Variants in TRMT11 observed in about 807,000 individuals in gnomAD.
The protein encoded by TRMT11 is tRNA (guanine(10)-N(2))-methyltransferase TRMT11.
A neutral mutation model predicts 62.8 loss-of-function variants in TRMT11; 53 were observed. The ratio of observed to expected loss-of-function variants is 0.84; its 90% CI spans 0.68 to 1.06. The LOEUF (loss-of-function observed/expected upper bound fraction) is 1.06, where lower values mean the gene tolerates loss of function less well. Ranked by LOEUF, TRMT11 falls within the 50% of genes least tolerant of loss-of-function variation. The probability of loss-of-function intolerance (pLI) is 0.00; values close to 1 mark genes in which losing one functional copy is unlikely to be tolerated. For missense variants in TRMT11, 556 were observed against 553.4 expected, an observed-to-expected ratio of 1.00 and a Z score of -0.05; for synonymous variants, 188 against 190.3, an observed-to-expected ratio of 0.99 and a Z score of 0.10.
At chr6:126,251,472 GAA>G in the TRMT11 span, among the ~76,000 whole-genome samples, 1 of 152,112 alleles carries the variant, frequency 6.6e-6, no homozygotes, top group African/African-American at 2.4e-5. Context: ...ATTTTTGTGT[GAA>G]AAGTGTTTAA....
chr6:126,103,440 CAT>C (rs1284468926), intron 17 of TRMT11, among the ~76,000 whole-genome samples: 5 of 152,306 alleles, frequency 3.3e-5, no homozygotes, highest in Non-Finnish European at 1.5e-5. Flanking sequence ...AAACAACACA[CAT>C]ATATTTCTGT....
the TRMT11 span, among the ~76,000 whole-genome samples, chr6:126,263,819 C>T: frequency 6.6e-6 from 1 of 152,140 alleles, no homozygotes; most frequent in Non-Finnish European, 1.5e-5. Context: ...TTTCTCAAAC[C>T]TCAGAAAGAG....
At chr6:126,063,270 G>T (rs1776589946) in intron 17 of TRMT11, among the ~76,000 whole-genome samples, 1 of 152,094 alleles carries the variant, frequency 6.6e-6, no homozygotes, top group South Asian at 2.1e-4. Flanking sequence ...TCAAAATAAG[G>T]ACTCAGTGGG....
chr6:126,034,101 A>T (rs1310103896), intron 12 of TRMT11, among the ~76,000 whole-genome samples: 1 of 152,038 alleles, frequency 6.6e-6, no homozygotes. Flanking sequence ...TTAACTCTTT[A>T]GCCATTGTTT....
At chr6:126,153,239 G>A (rs1012078193) in intron 21 of TRMT11, among the ~76,000 whole-genome samples, 3 of 152,028 alleles carry the variant, frequency 2.0e-5, no homozygotes, top group African/African-American at 7.2e-5. Context: ...TACAGTTTTG[G>A]AATAATTTAT....
chr6:126,214,878 C>T, the TRMT11 span, among the ~76,000 whole-genome samples: 1 of 151,832 alleles, frequency 6.6e-6, no homozygotes, highest in African/African-American at 2.4e-5. Context: ...TAGGTATGAG[C>T]TTTCTCTTAG....
At chr6:126,215,514 C>A in the TRMT11 span, among the ~76,000 whole-genome samples, 959 of 152,020 alleles carry the variant, frequency 6.3e-3, 12 homozygotes, top group African/African-American at 0.022. Context: ...GACTCATAAT[C>A]TTTTTTGTTT....
At chr6:126,168,835 A>T in intron 21 of TRMT11, among the ~76,000 whole-genome samples, 1 of 152,282 alleles carries the variant, frequency 6.6e-6, no homozygotes, top group East Asian at 1.9e-4. Flanking sequence ...AAATGTTATA[A>T]AAGTACAAAC....
intron 18 of TRMT11, among the ~76,000 whole-genome samples, chr6:126,113,441 G>A (rs1180760691): frequency 1.3e-5 from 2 of 152,074 alleles, no homozygotes; most frequent in African/African-American, 2.4e-5. Flanking sequence ...AGTGGAGTGA[G>A]TTCCTGATCT....
At chr6:126,161,701 C>G (rs1053740272) in intron 21 of TRMT11, among the ~76,000 whole-genome samples, 1 of 152,250 alleles carries the variant, frequency 6.6e-6, no homozygotes, top group Non-Finnish European at 1.5e-5. Flanking sequence ...CTCCCACCAA[C>G]AGTGTAAAAG....
At chr6:126,065,183 T>A (rs1776653497) in intron 17 of TRMT11, among the ~76,000 whole-genome samples, 1 of 152,066 alleles carries the variant, frequency 6.6e-6, no homozygotes, top group Admixed American at 6.5e-5. Flanking sequence ...TATTGTTAGG[T>A]ATATAGTTCA....
chr6:126,108,410 TA>T (rs1777488124), intron 17 of TRMT11, among the ~76,000 whole-genome samples: 1 of 152,216 alleles, frequency 6.6e-6, no homozygotes, highest in Non-Finnish European at 1.5e-5. Flanking sequence ...CTAATAATAC[TA>T]ATAGATGGCA....
chr6:126,038,531 C>T (rs1449603235), intron 12 of TRMT11, among the ~76,000 whole-genome samples, 174 bp from the exon 13 acceptor site: 1 of 151,454 alleles, frequency 6.6e-6, no homozygotes, highest in Non-Finnish European at 1.5e-5. Flanking sequence ...TTTGGATATC[C>T]AAGCATGATA....
At chr6:126,188,798 C>A (rs959876583) in intron 1 of TRMT11, among the ~76,000 whole-genome samples, 19 of 152,056 alleles carry the variant, frequency 1.2e-4, no homozygotes, top group African/African-American at 4.3e-4. Flanking sequence ...TGTCTTACAA[C>A]CAATTTCAAA....
intron 19 of TRMT11, among the ~76,000 whole-genome samples, chr6:126,115,264 A>G (rs1450994273): frequency 6.6e-6 from 1 of 152,138 alleles, no homozygotes; most frequent in Non-Finnish European, 1.5e-5. Flanking sequence ...AGCTGTGCTC[A>G]CTATTATTCG....
intron 21 of TRMT11, among the ~76,000 whole-genome samples, chr6:126,164,287 G>T (rs1178896702): frequency 6.6e-5 from 10 of 152,192 alleles, no homozygotes. Context: ...CACCTGTGTT[G>T]AGTGAGTTTC....
chr6:126,179,180 G>T (rs1263810771), intron 1 of TRMT11, among the ~76,000 whole-genome samples: 1 of 152,046 alleles, frequency 6.6e-6, no homozygotes, highest in African/African-American at 2.4e-5. Context: ...CACTTCTTGT[G>T]GACCTTCTTC....
chr6:126,220,212 G>A, the TRMT11 span, among the ~76,000 whole-genome samples: 48 of 152,176 alleles, frequency 3.2e-4, 1 homozygote, highest in Non-Finnish European at 7.3e-5. Context: ...GGGGGTAGAG[G>A]TGTACAGTCA....
chr6:126,054,453 T>C (rs1442887809), intron 17 of TRMT11, among the ~76,000 whole-genome samples: 2 of 152,188 alleles, frequency 1.3e-5, no homozygotes, highest in Non-Finnish European at 2.9e-5. Context: ...TTCCTGACCC[T>C]GACTGACAGA....
Sources: gnomAD v4.1 joint callset for allele counts (sites outside exome capture counted in the v4.1 genomes callset) on GRCh38, gnomAD v4.1.1 for gene constraint, MANE v1.5 for transcripts, NCBI Gene and HGNC (gene_info 2026-07-23, HGNC 2026-07-21) for gene names.